Variants in ARHGAP10 observed in about 807,000 individuals in gnomAD.
ARHGAP10 encodes rho GTPase-activating protein 10.
A neutral mutation model predicts 108.6 loss-of-function variants in ARHGAP10; 87 were observed. The observed-to-expected ratio is 0.80, with a 90% CI of 0.67 to 0.96. The LOEUF (loss-of-function observed/expected upper bound fraction) is 0.96. ARHGAP10 is among the 40% of genes least tolerant of loss of function. ARHGAP10 has a pLI of 0.00. For synonymous variants in ARHGAP10, 347 were observed against 341.1 expected, an observed-to-expected ratio of 1.02 and a Z score of -0.19; for missense variants, 939 against 954.5, an observed-to-expected ratio of 0.98 and a Z score of 0.21.
chr4:148,062,250 TAGTTCTCCGGCAGGGGAA>T (rs1391879730), intron 20 of ARHGAP10, among the ~76,000 whole-genome samples: 2 of 152,172 alleles, frequency 1.3e-5, no homozygotes, highest in Non-Finnish European at 1.5e-5. Flanking sequence ...AACACGGTGC[TAGTTCTCCGGCAGGGGAA>T]ACAATCTGAG....
At chr4:147,911,579 G>C (rs953366898) in intron 12 of ARHGAP10, among the ~76,000 whole-genome samples, 3 of 152,242 alleles carry the variant, frequency 2.0e-5, no homozygotes, top group Non-Finnish European at 2.9e-5. Flanking sequence ...AGCCAGGATG[G>C]TCTTGATCTC....
chr4:147,837,650 T>TTTTTTTGTTTTTTTTTTG lies in ARHGAP10; in HGVS notation c.313-9495_313-9494insGTTTTTTTTTTGTTTTTT, dbSNP rs1553955216. Reference sequence around the variant, plus strand: ...CTAGAATCTCTGGTCACTGTTTTTTTTTTTTTTTTTTTAAAGCAGTAGCTT... The same window carrying TTTTTTTGTTTTTTTTTTG: ...CTAGAATCTCTGGTCACTGTTTTTTTTTTTTTGTTTTTTTTTTGTTTTTTTTTTTTAAAGCAGTAGCTT... On this transcript the variant is annotated intron_variant, in intron 3 of 22. Coordinates refer to ENST00000336498, the MANE Select transcript of ARHGAP10 (RefSeq NM_024605.4). Among the ~76,000 whole-genome samples, 9 of 112,084 alleles carry TTTTTTTGTTTTTTTTTTG rather than the reference T, an allele frequency of 8.0e-5. 1 individual carries two copies. Among genetic ancestry groups the TTTTTTTGTTTTTTTTTTG allele is most frequent in the Non-Finnish European group, 1.5e-4 (8 of 54,600 alleles). 73.5% of individuals were successfully genotyped at this position (112,084 alleles called of 152,430 possible). A position where few individuals can be genotyped will look rare whatever the true frequency, so the allele number is the denominator to read the frequency against.
At position 147,834,605 on chromosome 4, in the gene ARHGAP10, C is replaced by T. The variant is rs566953420; in HGVS notation, c.312+11648C>T. Among the ~76,000 whole-genome samples the T allele has an allele frequency of 9.9e-5, 15 of 152,228 alleles. 1 individual carries two copies. Among genetic ancestry groups the T allele is most frequent in the Middle Eastern group, 3.4e-3 (1 of 294 alleles). On this transcript the variant is annotated intron_variant, in intron 3 of 22. Coordinates refer to ENST00000336498, the MANE Select transcript of ARHGAP10 (RefSeq NM_024605.4). The stretch of plus-strand genomic sequence containing the variant: ...TGTTTGAATGTCCCAAGCCTTCTAA[C>T]GGCAGCCTTGTTAGACTTACCCCAG...
intron 10 of ARHGAP10, among the ~76,000 whole-genome samples, chr4:147,892,187 AGAG>A (rs113521328): frequency 0.036 from 5,545 of 152,274 alleles, 334 homozygotes; most frequent in African/African-American, 0.13. Context: ...GTTGAGGAAG[AGAG>A]GAGGAAATCA....
In ARHGAP10 at chr4:148,015,796, G is replaced by C. The variant is rs557954585; in HGVS notation, c.1717-7467G>C. Among the ~76,000 whole-genome samples, 80 of 152,336 alleles carry C rather than the reference G, an allele frequency of 5.3e-4. 1 individual carries two copies. Among genetic ancestry groups the C allele is most frequent in the African/African-American group, 1.8e-3 (74 of 41,574 alleles). The stretch of plus-strand genomic sequence containing the variant: ...GCTCAAAGTTGTATTTGGCCATTTT[G>C]TAACTATGCTCTTTTAGAAAGAAGA... On this transcript the variant is annotated intron_variant, in intron 18 of 22. Coordinates refer to ENST00000336498, the MANE Select transcript of ARHGAP10 (RefSeq NM_024605.4).
At chr4:147,876,558 A>C (rs1254578344) in intron 8 of ARHGAP10, among the ~76,000 whole-genome samples, 1 of 152,252 alleles carries the variant, frequency 6.6e-6, no homozygotes, top group East Asian at 1.9e-4. Context: ...GCGCCACTGC[A>C]CTCCAGCCTG....
At chr4:147,827,680 TA>T (rs1732771883) in intron 3 of ARHGAP10, among the ~76,000 whole-genome samples, 2 of 152,200 alleles carry the variant, frequency 1.3e-5, no homozygotes, top group African/African-American at 4.8e-5. Context: ...TTTTTTAACT[TA>T]AAAGTTTTAG....
chr4:147,897,025 A>G (rs1417089460), intron 10 of ARHGAP10, among the ~76,000 whole-genome samples: 1 of 152,040 alleles, frequency 6.6e-6, no homozygotes, highest in Non-Finnish European at 1.5e-5. Context: ...TGACCCTTTT[A>G]TGAAATATCT....
chr4:147,864,813 CCA>C, intron 5 of ARHGAP10, 31 bp from the exon 6 acceptor site: 1 of 1,591,174 alleles, frequency 6.3e-7, no homozygotes, highest in African/African-American at 1.3e-5. Flanking sequence ...TTCACCATCT[CCA>C]GTTTGACTAA....
intron 20 of ARHGAP10, among the ~76,000 whole-genome samples, chr4:148,053,486 G>A (rs1483216248): frequency 2.0e-5 from 3 of 152,164 alleles, no homozygotes; most frequent in Admixed American, 6.5e-5. Context: ...GCGGGCGGGA[G>A]GGCCTTCTCC....
intron 9 of ARHGAP10, among the ~76,000 whole-genome samples, chr4:147,880,186 C>A (rs1168403115): frequency 6.6e-6 from 1 of 152,148 alleles, no homozygotes; most frequent in Non-Finnish European, 1.5e-5. Context: ...AAGCTTCCCA[C>A]CAATGTTGAA....
At chr4:147,736,740 G>C (rs1421642628) in intron 1 of ARHGAP10, among the ~76,000 whole-genome samples, 1 of 152,114 alleles carries the variant, frequency 6.6e-6, no homozygotes, top group Non-Finnish European at 1.5e-5. Context: ...AAATCACCTG[G>C]GGGAACTGTT....
intron 10 of ARHGAP10, among the ~76,000 whole-genome samples, chr4:147,883,840 G>A (rs995560720): frequency 6.6e-6 from 1 of 151,954 alleles, no homozygotes; most frequent in African/African-American, 2.4e-5. Context: ...GATTATGGGG[G>A]CACACTACCA....
intron 1 of ARHGAP10, among the ~76,000 whole-genome samples, chr4:147,820,259 G>T (rs187741985): frequency 1.1e-4 from 17 of 152,210 alleles, no homozygotes; most frequent in Non-Finnish European, 2.1e-4. Context: ...TGTTTGCCTG[G>T]TTTACATTAG....
intron 11 of ARHGAP10, among the ~76,000 whole-genome samples, chr4:147,909,028 C>T (rs1300091299): frequency 6.6e-6 from 1 of 152,220 alleles, no homozygotes; most frequent in Non-Finnish European, 1.5e-5. Flanking sequence ...CACAAGACTG[C>T]CTGAGTTCAG....
intron 11 of ARHGAP10, 128 bp from the exon 12 acceptor site, chr4:147,909,604 T>C: frequency 5.3e-6 from 4 of 761,042 alleles, no homozygotes; most frequent in Non-Finnish European, 6.4e-6. Flanking sequence ...CAATTTCTTA[T>C]TCTATCACAT....
chr4:147,872,010 G>A (rs577082443), intron 7 of ARHGAP10, among the ~76,000 whole-genome samples: 1 of 151,570 alleles, frequency 6.6e-6, no homozygotes, highest in Admixed American at 6.6e-5. Flanking sequence ...GCTGAGGTGG[G>A]AGGATCATTT....
chr4:147,909,861 G>T (rs557153159), intron 12 of ARHGAP10, 84 bp downstream of exon 12: 1 of 1,347,110 alleles, frequency 7.4e-7, no homozygotes, highest in African/African-American at 1.4e-5. Flanking sequence ...GCTGTTGCTG[G>T]GAGCTTACTC....
At chr4:147,828,396 T>C (rs1201266967) in intron 3 of ARHGAP10, among the ~76,000 whole-genome samples, 1 of 152,216 alleles carries the variant, frequency 6.6e-6, no homozygotes, top group Non-Finnish European at 1.5e-5. Context: ...ACGCCTCATC[T>C]CTATGCTTAA....
Sources: allele counts gnomAD v4.1 joint callset (sites outside exome capture counted in the v4.1 genomes callset), GRCh38; gene constraint gnomAD v4.1.1; transcripts MANE v1.5; gene names NCBI Gene and HGNC (gene_info 2026-07-23, HGNC 2026-07-21).